POU2F2: variants seen among roughly 807,000 people sequenced by gnomAD.
POU2F2 encodes the protein POU class 2 homeobox 2, also known as POU domain, class 2, transcription factor 2.
In POU2F2, 14 loss-of-function variants were observed where a neutral mutation model predicts 63.5. The observed-to-expected ratio is 0.22, with a 90% CI of 0.15 to 0.34. The LOEUF is 0.34. Among genes scored for constraint, POU2F2 ranks in the 10% least tolerant of loss-of-function variants. The probability of loss-of-function intolerance (pLI) is 1.00; values close to 1 mark genes in which losing one functional copy is unlikely to be tolerated. For missense variants in POU2F2, 607 were observed against 815.2 expected (o/e 0.74, Z 3.11); for synonymous variants, 306 against 348.6 (o/e 0.88, Z 1.36).
At chr19:42,165,038 A>T (rs915855980) in intron 1 of POU2F2, among the ~76,000 whole-genome samples, 1 of 151,324 alleles carries the variant, frequency 6.6e-6, no homozygotes, top group South Asian at 2.1e-4. Context: ...TTTTCTTCTC[A>T]TCTCATTGAA....
chr19:42,173,820 A>G (rs564867095), intron 1 of POU2F2, among the ~76,000 whole-genome samples: 1 of 152,282 alleles, frequency 6.6e-6, no homozygotes, highest in African/African-American at 2.4e-5. Context: ...CCTCAGGGAA[A>G]TGGGGGTCTG....
At chr19:42,122,263 A>ACCTGTGTGCTCTGATGGGGAGT in intron 3 of POU2F2, 81 bp from the exon 4 acceptor site, 1 of 1,437,034 alleles carries the variant, frequency 7.0e-7, no homozygotes. Flanking sequence ...CTGCCCTCCT[A>ACCTGTGTGCTCTGATGGGGAGT]CCATAGGCGG....
rs186730689 is a variant in POU2F2 at position 42,139,528 on chromosome 19, C to T, written c.-8-16952G>A. Among the ~76,000 whole-genome samples, 599 of 152,220 alleles carry T rather than the reference C, an allele frequency of 3.9e-3. 11 individuals carry two copies. The highest frequency in any genetic ancestry group is 0.034 in the Admixed American group (520 of 15,288). ...TTATTTGGCTCACTGCAACCTCCAC[C>T]TCCTGGGTTCAAGTGATTCTCTTGC... On this transcript the variant is annotated intron_variant, in intron 2 of 6. Coordinates refer to the POU2F2 transcript ENST00000524801.
At chr19:42,189,875 AC>A (rs1230453501) in intron 1 of POU2F2, among the ~76,000 whole-genome samples, 1 of 152,080 alleles carries the variant, frequency 6.6e-6, no homozygotes, top group Admixed American at 6.6e-5. Flanking sequence ...ACAAGTGCAC[AC>A]CACCATACTT....
chr19:42,144,974 A>G (rs1163196097), intron 2 of POU2F2, among the ~76,000 whole-genome samples: 1 of 152,226 alleles, frequency 6.6e-6, no homozygotes, highest in East Asian at 1.9e-4. Flanking sequence ...TCAACTTTAG[A>G]GTCACATAAA....
chr19:42,184,787 C>T (rs925915853), intron 1 of POU2F2, among the ~76,000 whole-genome samples: 2 of 152,182 alleles, frequency 1.3e-5, no homozygotes, highest in Non-Finnish European at 2.9e-5. Context: ...CTGGGCTGCT[C>T]TCCCAGGGTG....
At chr19:42,171,535 G>A (rs971340705) in intron 1 of POU2F2, among the ~76,000 whole-genome samples, 10 of 152,046 alleles carry the variant, frequency 6.6e-5, no homozygotes, top group East Asian at 1.9e-4. Context: ...ATGAGGGGCC[G>A]TGTCTGTTTT....
upstream of POU2F2, among the ~76,000 whole-genome samples, chr19:42,176,187 C>G (rs1488150985): frequency 6.6e-6 from 1 of 152,148 alleles, no homozygotes; most frequent in Non-Finnish European, 1.5e-5. Flanking sequence ...GGGGGTCCCG[C>G]CCAGCCCGGG....
intron 1 of POU2F2, among the ~76,000 whole-genome samples, chr19:42,185,804 A>G (rs1350017119): frequency 6.6e-6 from 1 of 152,204 alleles, no homozygotes; most frequent in Non-Finnish European, 1.5e-5. Context: ...GCCATCAAGA[A>G]AGCTCACGGT....
intron 2 of POU2F2, among the ~76,000 whole-genome samples, chr19:42,145,209 T>C (rs1352630769): frequency 1.3e-5 from 2 of 152,262 alleles, no homozygotes; most frequent in African/African-American, 2.4e-5. Context: ...ATTGTTGTCA[T>C]TGCTAAAAGC....
chr19:42,123,432 G>A lies in POU2F2; in HGVS notation c.29-856C>T, dbSNP rs988805793. On this transcript the variant is annotated intron_variant, in intron 1 of 14. Transcript: ENST00000692977. ...GGAGACAAATGCCTGTCCTCAAAGC[G>A]CTCTGATACTTTTCACAGAAAGGCG... Among the ~76,000 whole-genome samples the A allele has an allele frequency of 2.0e-5, 3 of 152,126 alleles. No homozygotes were observed. In the South Asian group the frequency reaches 6.2e-4, roughly 32 times the overall value.
In POU2F2 at chr19:42,117,351, G is replaced by C. The variant is rs113697394; in HGVS notation, c.268C>G (p.Pro90Ala). ...LSPPQIKAED[P>A]SGDSAPAAPL... ...GCTGCTGGGGCTGAATCGCCACTGG[G>C]GTCTTCAGCCTTGATCTGGGGGGGA... The change falls in exon 5 of 15, where the codon CCC becomes GCC. Residue 90 changes from proline (P) to alanine (A), a missense_variant. Transcript: ENST00000692977. This position sits in a 1 kb window ranked among gnomAD's most constrained non-coding sequence, Gnocchi z 4.4. The C allele has an allele frequency of 6.5e-7, 1 of 1,533,520 alleles. No homozygotes were observed. The highest frequency in any genetic ancestry group is 8.7e-7 in the Non-Finnish European group (1 of 1,152,446). 95.0% of individuals were successfully genotyped at this position (1,533,520 alleles called of 1,614,324 possible).
In POU2F2 at chr19:42,090,410, G is replaced by A. The variant is rs2076675672; in HGVS notation, c.*847C>T. The A allele has an allele frequency of 6.6e-6, 1 of 152,552 alleles. No individual in the cohort carries two copies. The highest frequency in any genetic ancestry group is 1.5e-5 in the Non-Finnish European group (1 of 68,058). 9.4% of individuals were successfully genotyped at this position (152,552 alleles called of 1,614,324 possible). A position where few individuals can be genotyped will look rare whatever the true frequency, so the allele number is the denominator to read the frequency against. ...AAAATGGCCTAGCCCACCCTTCAAA[G>A]GGGAAAAGAGGGAGGAACAGGGGAT... On this transcript the variant is annotated 3_prime_UTR_variant, in exon 15 of 15. Coordinates refer to ENST00000692977, the MANE Select transcript of POU2F2 (RefSeq NM_001394376.1). The surrounding 1 kb of genome is among the most constrained non-coding windows in gnomAD (Gnocchi z 4.4).
chr19:42,167,825 A>G (rs2034683427), intron 1 of POU2F2, among the ~76,000 whole-genome samples: 1 of 152,160 alleles, frequency 6.6e-6, no homozygotes, highest in South Asian at 2.1e-4. Flanking sequence ...CTTCTGACCC[A>G]TTCATTCTCC....
At chr19:42,143,496 G>C (rs2034169852) in intron 2 of POU2F2, among the ~76,000 whole-genome samples, 1 of 152,192 alleles carries the variant, frequency 6.6e-6, no homozygotes, top group Non-Finnish European at 1.5e-5. Flanking sequence ...AATATAAGTT[G>C]TGTGCTCAGT....
intron 4 of POU2F2, among the ~76,000 whole-genome samples, chr19:42,121,794 G>A (rs932418039): frequency 7.2e-5 from 11 of 152,054 alleles, no homozygotes; most frequent in Admixed American, 2.6e-4. Context: ...TCAGCTGGCC[G>A]CTAAATGTGT....
Position 42,087,272 on chromosome 19 carries a change from A to ACT in POU2F2, c.*3983_*3984dup, listed in dbSNP as rs984481900. 3 of 148,912 alleles carry ACT rather than the reference A, an allele frequency of 2.0e-5. No individual in the cohort carries two copies. The highest frequency in any genetic ancestry group is 1.5e-5 in the Non-Finnish European group (1 of 67,328). The allele number at this position is 148,912 out of a possible 1,614,324, so 9.2% of individuals were successfully genotyped here. ...GTGTCTCAATCTTGCTGTCTGTCTC[A>ACT]CTCTCTCTCTCACTCAGGTCCCCCT... is the stretch of plus-strand genomic sequence containing the variant. On this transcript the variant is annotated 3_prime_UTR_variant, in exon 15 of 15. Transcript: ENST00000692977.
At position 42,122,589 on chromosome 19, in the gene POU2F2, G is replaced by A. The variant is rs2032770704; in HGVS notation, c.29-13C>T. On this transcript the variant is annotated splice_polypyrimidine_tract_variant and intron_variant, in intron 1 of 14. Coordinates refer to ENST00000692977, the MANE Select transcript of POU2F2 (RefSeq NM_001394376.1). ...GACATTCTTATTTCTGGGGACAGAG[G>A]AGGAATGGAAGTGGGGTGAAGGAGG... The A allele has an allele frequency of 6.4e-7, 1 of 1,562,344 alleles. No individual in the cohort carries two copies. Among genetic ancestry groups the A allele is most frequent in the African/African-American group, 1.4e-5 (1 of 73,072 alleles).
upstream of POU2F2, among the ~76,000 whole-genome samples, chr19:42,134,931 G>A (rs369284941): frequency 9.1e-4 from 138 of 152,186 alleles, 4 homozygotes; most frequent in South Asian, 0.027. Flanking sequence ...GGGGCCCGGC[G>A]GGGAGTGGTG....
Sources: gnomAD v4.1 joint callset for allele counts (sites outside exome capture counted in the v4.1 genomes callset) on GRCh38, gnomAD v4.1.1 for gene constraint, Gnocchi (gnomAD v3.1) non-coding constraint, MANE v1.5 for transcripts, NCBI Gene and HGNC (gene_info 2026-07-23, HGNC 2026-07-21) for gene names.